Variants in TCERG1L observed in about 807,000 individuals in gnomAD.
TCERG1L encodes the protein transcription elongation regulator 1 like.
In TCERG1L, 37 loss-of-function variants were observed where a neutral mutation model predicts 56.3. The observed-to-expected ratio is 0.66, with a 90% CI of 0.51 to 0.87. The LOEUF (loss-of-function observed/expected upper bound fraction) is 0.87. TCERG1L is among the 40% of genes least tolerant of loss of function. The pLI is 0.00. For synonymous variants in TCERG1L, 324 were observed against 326.3 expected (o/e 0.99, Z 0.08); for missense variants, 799 against 774.2 (o/e 1.03, Z -0.38).
intron 4 of TCERG1L, among the ~76,000 whole-genome samples, chr10:131,211,504 A>C (rs563890086): frequency 6.6e-6 from 1 of 152,320 alleles, no homozygotes; most frequent in Non-Finnish European, 1.5e-5. Flanking sequence ...CACCACGAGA[A>C]GTAATGTCCC....
chr10:131,116,834 C>T lies in TCERG1L; in HGVS notation c.1360G>A (p.Val454Met). 6.3e-7 allele frequency: 1 copy of T among 1,575,266 alleles called. No individual in the cohort carries two copies. The highest frequency in any genetic ancestry group is 8.6e-7 in the Non-Finnish European group (1 of 1,160,998). The change falls in exon 9 of 12, where the codon GTG (valine) becomes ATG (methionine). Residue 454 changes from valine (V) to methionine (M), a missense_variant. Physicochemically the swap from Val to Met is conservative, Grantham distance 21 (BLOSUM62 1). Transcript: ENST00000368642. ...PQILLPLEER[V>M]THFRDMLLER... ...AGCAGCATGTCTCGGAAGTGGGTCA[C>T]ACGCTCCTCCAGAGGCAGGAGGATC...
At chr10:131,193,209 T>C (rs572029105) in intron 4 of TCERG1L, among the ~76,000 whole-genome samples, 1 of 152,068 alleles carries the variant, frequency 6.6e-6, no homozygotes, top group Non-Finnish European at 1.5e-5. Flanking sequence ...AAATTTATTG[T>C]TGTTGTTGTT....
At chr10:131,093,569 G>A (rs774260837) in intron 11 of TCERG1L, among the ~76,000 whole-genome samples, 8 of 152,070 alleles carry the variant, frequency 5.3e-5, no homozygotes, top group Non-Finnish European at 7.4e-5. Context: ...GGAAATGAGC[G>A]GCCCCCACCA....
intron 3 of TCERG1L, among the ~76,000 whole-genome samples, chr10:131,294,608 C>A (rs1035082668): frequency 2.0e-5 from 3 of 152,166 alleles, no homozygotes; most frequent in African/African-American, 7.2e-5. Context: ...CTAAAGTAAA[C>A]CCATGACATT....
chr10:131,101,671 C>T (rs1042397152), intron 10 of TCERG1L, among the ~76,000 whole-genome samples: 1 of 152,152 alleles, frequency 6.6e-6, no homozygotes, highest in Admixed American at 6.5e-5. Flanking sequence ...CATAAAATCA[C>T]AGGCTCCTTG....
chr10:131,253,026 G>T (rs993302187), intron 4 of TCERG1L, among the ~76,000 whole-genome samples: 1 of 152,214 alleles, frequency 6.6e-6, no homozygotes, highest in Admixed American at 6.5e-5. Flanking sequence ...GATTGAGGCC[G>T]TAGCGCCTTC....
chr10:131,213,418 C>T (rs1388874291), intron 4 of TCERG1L, among the ~76,000 whole-genome samples: 1 of 152,212 alleles, frequency 6.6e-6, no homozygotes, highest in Non-Finnish European at 1.5e-5. Flanking sequence ...AATTTCTCTG[C>T]ACCAGAACCG....
rs548531912 is a variant in TCERG1L at position 131,209,759 on chromosome 10, A to G, written c.857-42874T>C. Among the ~76,000 whole-genome samples the G allele has an allele frequency of 2.0e-3, 300 of 152,344 alleles. 1 individual carries two copies. Among genetic ancestry groups the G allele is most frequent in the Non-Finnish European group, 3.5e-3 (236 of 68,034 alleles). Reference sequence around the variant, plus strand: ...TATAGTTAAGTAGTTTTTAAAATAAATGATAAAATAAAGCACTTTGTAATT... The same window carrying G: ...TATAGTTAAGTAGTTTTTAAAATAAGTGATAAAATAAAGCACTTTGTAATT... On this transcript the variant is annotated intron_variant, in intron 4 of 11. Coordinates refer to ENST00000368642, the MANE Select transcript of TCERG1L (RefSeq NM_174937.4).
intron 4 of TCERG1L, among the ~76,000 whole-genome samples, chr10:131,176,542 CCA>C (rs1846152892): frequency 9.4e-5 from 2 of 21,196 alleles, no homozygotes; most frequent in African/African-American, 5.8e-4. Flanking sequence ...ACGTGTACAC[CCA>C]CAGAGATAGG....
chr10:131,104,415 T>C, intron 9 of TCERG1L, 61 bp from the exon 10 acceptor site: 1 of 1,111,252 alleles, frequency 9.0e-7, no homozygotes, highest in Non-Finnish European at 1.3e-6. Context: ...GAAGCCGCCC[T>C]GAAATGATCC....
In TCERG1L at chr10:131,266,366, TA is replaced by T. The variant is rs1416409925; in HGVS notation, c.671-5923del. On this transcript the variant is annotated intron_variant, in intron 3 of 11. Coordinates refer to ENST00000368642, the MANE Select transcript of TCERG1L (RefSeq NM_174937.4). ...GATATTTTGTCCTCTTCCTATGAAT[TA>T]TGAATGTTCACGGCTGCAGAATGGA... Among the ~76,000 whole-genome samples the T allele has an allele frequency of 6.6e-5, 10 of 152,358 alleles. No homozygotes were observed. The East Asian group carries it at 1.2e-3, about 18-fold the overall frequency.
At position 131,311,369 on chromosome 10, in the gene TCERG1L, C is replaced by G. The variant is rs907606252; in HGVS notation, c.267G>C (p.Pro89=). 5 of 1,196,560 alleles carry G rather than the reference C, an allele frequency of 4.2e-6. No individual in the cohort carries two copies. The African/African-American group carries it at 8.0e-5, about 19-fold the overall frequency. The allele number at this position is 1,196,560 out of a possible 1,614,324, so 74.1% of individuals were successfully genotyped here. A position where few individuals can be genotyped will look rare whatever the true frequency, so the allele number is the denominator to read the frequency against. The change falls in exon 1 of 12, where the codon CCG becomes CCC. Residue 89 remains proline (P), a synonymous_variant. Coordinates refer to ENST00000368642, the MANE Select transcript of TCERG1L (RefSeq NM_174937.4). The surrounding 1 kb of genome is among the most constrained non-coding windows in gnomAD (Gnocchi z 4.0). ...GWPAPSEPVL[P]LLPLPSAPDS... ...CTGGCGCAGAGGGCAGCGGCAGCAGCGGGAGCACCGGCTCGCTCGGGGCCG... is the reference window on the plus strand; with the variant it reads ...CTGGCGCAGAGGGCAGCGGCAGCAGGGGGAGCACCGGCTCGCTCGGGGCCG...
chr10:131,164,634 G>A (rs561877310), intron 5 of TCERG1L, among the ~76,000 whole-genome samples: 49 of 152,236 alleles, frequency 3.2e-4, no homozygotes, highest in African/African-American at 1.1e-3. Context: ...GGAAAATTAG[G>A]TGGGATTAAA....
chr10:131,134,288 A>G, intron 8 of TCERG1L, 91 bp downstream of exon 8: 2 of 1,177,024 alleles, frequency 1.7e-6, no homozygotes, highest in Non-Finnish European at 2.5e-6. Flanking sequence ...CTTTGCTCAT[A>G]GTCAATGTGG....
chr10:131,220,682 G>T (rs1845721393), intron 4 of TCERG1L, among the ~76,000 whole-genome samples: 1 of 152,200 alleles, frequency 6.6e-6, no homozygotes, highest in Non-Finnish European at 1.5e-5. Context: ...GCTTGCCTGA[G>T]GCCCCCACGT....
At chr10:131,105,804 T>C (rs1845347261) in intron 9 of TCERG1L, among the ~76,000 whole-genome samples, 1 of 152,260 alleles carries the variant, frequency 6.6e-6, no homozygotes, top group Admixed American at 6.5e-5. Flanking sequence ...ACTCAGCCCA[T>C]GCTTGGGCTG....
At chr10:131,238,467 G>C (rs879591293) in intron 4 of TCERG1L, among the ~76,000 whole-genome samples, 10 of 152,104 alleles carry the variant, frequency 6.6e-5, no homozygotes, top group Non-Finnish European at 1.5e-4. Flanking sequence ...GGCAGCACTG[G>C]GGCCAGGAGC....
chr10:131,292,821 A>C (rs1448402062), intron 3 of TCERG1L, among the ~76,000 whole-genome samples: 4 of 151,072 alleles, frequency 2.6e-5, no homozygotes, highest in African/African-American at 9.7e-5. Flanking sequence ...TTTCGTGTCC[A>C]TGAGAATTTT....
At chr10:131,123,334 T>G (rs1056206701) in intron 8 of TCERG1L, among the ~76,000 whole-genome samples, 1 of 152,044 alleles carries the variant, frequency 6.6e-6, no homozygotes, top group Non-Finnish European at 1.5e-5. Flanking sequence ...TGAATGCAGC[T>G]GAGGGGAGGG....
Sources: gnomAD v4.1 joint callset for allele counts (sites outside exome capture counted in the v4.1 genomes callset) on GRCh38, gnomAD v4.1.1 for gene constraint, Gnocchi (gnomAD v3.1) non-coding constraint, MANE v1.5 for transcripts, NCBI Gene and HGNC (gene_info 2026-07-23, HGNC 2026-07-21) for gene names.